Variants in CFDP1 observed in about 807,000 individuals in gnomAD.
The protein encoded by CFDP1 is chromatin remodeling protein CFDP1.
CFDP1 carries 31 observed loss-of-function variants against 40.1 expected under a neutral mutation model. The ratio of observed to expected loss-of-function variants is 0.77; its 90% CI spans 0.58 to 1.04. The LOEUF is 1.04. Ranked by LOEUF, CFDP1 falls within the 50% of genes least tolerant of loss-of-function variation. The probability of loss-of-function intolerance (pLI) is 0.00; values close to 1 mark genes in which losing one functional copy is unlikely to be tolerated. For missense variants in CFDP1, 423 were observed against 343.4 expected, an observed-to-expected ratio of 1.23 and a Z score of -1.83; for synonymous variants, 167 against 120.0, an observed-to-expected ratio of 1.39 and a Z score of -2.56.
At chr16:75,430,679 G>C (rs141489331) in intron 1 of CFDP1, among the ~76,000 whole-genome samples, 1 of 152,070 alleles carries the variant, frequency 6.6e-6, no homozygotes, top group Non-Finnish European at 1.5e-5. Flanking sequence ...GGCCAGGCTG[G>C]TCTTGAACTC....
intron 5 of CFDP1, among the ~76,000 whole-genome samples, chr16:75,356,602 C>A (rs183514475): frequency 6.6e-6 from 1 of 152,086 alleles, no homozygotes; most frequent in Admixed American, 6.6e-5. Flanking sequence ...TTAAAGTCAC[C>A]AGCTACATTA....
intron 5 of CFDP1, among the ~76,000 whole-genome samples, chr16:75,336,810 T>C (rs1320327750): frequency 6.6e-6 from 1 of 152,230 alleles, no homozygotes; most frequent in South Asian, 2.1e-4. Flanking sequence ...TTTCTACCAA[T>C]ATGGTGAAAA....
At chr16:75,330,560 G>A (rs532013062) in intron 5 of CFDP1, among the ~76,000 whole-genome samples, 44 of 152,192 alleles carry the variant, frequency 2.9e-4, no homozygotes, top group Non-Finnish European at 5.4e-4. Flanking sequence ...GTGCACTCCA[G>A]CCTGGGCAAC....
intron 4 of CFDP1, among the ~76,000 whole-genome samples, chr16:75,402,316 C>T (rs2079062534): frequency 6.6e-6 from 1 of 152,204 alleles, no homozygotes; most frequent in Non-Finnish European, 1.5e-5. Flanking sequence ...TTGCTCAGAA[C>T]TTCCTGAAAG....
At chr16:75,331,101 G>C (rs1300630316) in intron 5 of CFDP1, among the ~76,000 whole-genome samples, 1 of 152,084 alleles carries the variant, frequency 6.6e-6, no homozygotes, top group African/African-American at 2.4e-5. Flanking sequence ...CACCTGCCCT[G>C]TTCCAGTGGG....
rs547922325 is a variant in CFDP1, at chr16:75,404,248, T to C, written c.530+7577A>G. Among the ~76,000 whole-genome samples, 10 of 151,430 alleles carry C rather than the reference T, an allele frequency of 6.6e-5. No homozygotes were observed. The East Asian group carries it at 1.7e-3, about 26-fold the overall frequency. On this transcript the variant is annotated intron_variant, in intron 4 of 6. Coordinates refer to ENST00000283882, the MANE Select transcript of CFDP1 (RefSeq NM_006324.3). ...AAGGTACTGTCATTTTTCTTTTTTTTTTTTTGAGACGGAGTCTTGCTCTGT... is the reference window on the plus strand; with the variant it reads ...AAGGTACTGTCATTTTTCTTTTTTTCTTTTTGAGACGGAGTCTTGCTCTGT...
At chr16:75,412,377 T>A (rs962838097) in intron 3 of CFDP1, among the ~76,000 whole-genome samples, 158 bp downstream of exon 3, 1 of 152,244 alleles carries the variant, frequency 6.6e-6, no homozygotes, top group African/African-American at 2.4e-5. Context: ...GAAACTTACA[T>A]GATTAGAGAA....
intron 6 of CFDP1, among the ~76,000 whole-genome samples, chr16:75,303,507 C>CCT (rs1168592774): frequency 6.9e-6 from 1 of 144,738 alleles, no homozygotes; most frequent in Non-Finnish European, 1.5e-5. Flanking sequence ...AATATGACCC[C>CCT]CCCCAATAAA....
At chr16:75,429,096 A>G (rs886681822) in intron 1 of CFDP1, among the ~76,000 whole-genome samples, 10 of 152,156 alleles carry the variant, frequency 6.6e-5, no homozygotes, top group East Asian at 5.8e-4. Flanking sequence ...TAGCCTGGAC[A>G]AGAGAGACAG....
chr16:75,403,864 G>T (rs2079076103), intron 4 of CFDP1, among the ~76,000 whole-genome samples: 1 of 152,030 alleles, frequency 6.6e-6, no homozygotes, highest in Non-Finnish European at 1.5e-5. Context: ...AGGCATGGTG[G>T]CTCACACCTG....
intron 4 of CFDP1, among the ~76,000 whole-genome samples, chr16:75,396,010 C>T (rs1463798391): frequency 1.4e-5 from 1 of 70,520 alleles, no homozygotes; most frequent in Non-Finnish European, 3.7e-5. Context: ...TGCAGTCCAT[C>T]TCCCCTCCAT....
intron 5 of CFDP1, among the ~76,000 whole-genome samples, chr16:75,382,430 C>A (rs1597369806): frequency 6.6e-6 from 1 of 152,210 alleles, no homozygotes; most frequent in African/African-American, 2.4e-5. Flanking sequence ...AGCCTTTACA[C>A]AGCTGAAATT....
At chr16:75,322,670 T>C (rs1473511598) in intron 5 of CFDP1, among the ~76,000 whole-genome samples, 1 of 151,930 alleles carries the variant, frequency 6.6e-6, no homozygotes, top group Non-Finnish European at 1.5e-5. Flanking sequence ...AAATCCAAAA[T>C]ATTTTGAGCA....
At chr16:75,326,182 A>G (rs924019664) in intron 5 of CFDP1, among the ~76,000 whole-genome samples, 1 of 152,196 alleles carries the variant, frequency 6.6e-6, no homozygotes, top group Non-Finnish European at 1.5e-5. Flanking sequence ...ACCTAATGAA[A>G]GACTTTTGTG....
Position 75,309,746 on chromosome 16 carries a change from G to A in CFDP1, c.651-4564C>T, listed in dbSNP as rs529926445. Among the ~76,000 whole-genome samples, 461 of 150,092 alleles carry A rather than the reference G, an allele frequency of 3.1e-3. 1 individual carries two copies. The highest frequency in any genetic ancestry group is 0.011 in the African/African-American group (446 of 40,692). ...GAGGCAGGAGAATGGCGTGAACCCA[G>A]GAGGCGGAGCTTGCAGTGAGCCAAG... On this transcript the variant is annotated intron_variant, in intron 5 of 6. Transcript: ENST00000283882.
chr16:75,429,797 A>C (rs1369155760), intron 1 of CFDP1, among the ~76,000 whole-genome samples: 1 of 152,200 alleles, frequency 6.6e-6, no homozygotes, highest in Non-Finnish European at 1.5e-5. Flanking sequence ...ACAATTCTAA[A>C]AGTTTAGAGT....
intron 5 of CFDP1, among the ~76,000 whole-genome samples, chr16:75,388,880 G>C (rs1313963657): frequency 6.6e-6 from 1 of 150,690 alleles, no homozygotes; most frequent in Non-Finnish European, 1.5e-5. Flanking sequence ...CTGCTACACT[G>C]ACATCACCTA....
At chr16:75,398,631 C>A (rs1361289898) in intron 4 of CFDP1, among the ~76,000 whole-genome samples, 1 of 152,212 alleles carries the variant, frequency 6.6e-6, no homozygotes, top group Admixed American at 6.5e-5. Flanking sequence ...CAAAAGAAGT[C>A]TGGCTACTCT....
intron 4 of CFDP1, among the ~76,000 whole-genome samples, chr16:75,402,107 T>C (rs182479368): frequency 1.3e-5 from 2 of 152,294 alleles, no homozygotes; most frequent in East Asian, 3.9e-4. Flanking sequence ...TTACTCTTCA[T>C]TGACAGTATG....
Sources: gnomAD v4.1 joint callset for allele counts (sites outside exome capture counted in the v4.1 genomes callset) on GRCh38, gnomAD v4.1.1 for gene constraint, MANE v1.5 for transcripts, NCBI Gene and HGNC (gene_info 2026-07-23, HGNC 2026-07-21) for gene names.